The following EXT2 variants were observed in gnomAD, a reference collection of about 807,000 sequenced individuals.
EXT2 encodes the protein exostosin-2.
Under a neutral mutation model 81.6 loss-of-function variants are expected in EXT2, and 53 were observed. The observed-to-expected ratio is 0.65, with a 90% CI of 0.52 to 0.82. EXT2 has a LOEUF of 0.82. EXT2 is among the 40% of genes least tolerant of loss of function. The pLI is 0.00. For missense variants in EXT2, 774 were observed against 910.2 expected (o/e 0.85, Z 1.93); for synonymous variants, 320 against 340.0 (o/e 0.94, Z 0.65).
chr11:44,171,545 A>T (rs1234223721), intron 7 of EXT2, 66 bp from the exon 8 acceptor site: 2 of 1,611,752 alleles, frequency 1.2e-6, no homozygotes, highest in Non-Finnish European at 1.7e-6. Flanking sequence ...GTTGACTATG[A>T]TAGAGTATCT....
rs1459874042 is a variant in EXT2 at position 44,247,327 on chromosome 11, A to G, written c.*3040A>G. Among the ~76,000 whole-genome samples, 5 of 140,244 alleles carry G rather than the reference A, an allele frequency of 3.6e-5. No homozygotes were observed. The highest frequency in any genetic ancestry group is 7.5e-5 in the Non-Finnish European group (5 of 66,824). The allele number at this position is 140,244 out of a possible 152,430, so 92.0% of individuals were successfully genotyped here. On this transcript the variant is annotated 3_prime_UTR_variant, in exon 14 of 14. Coordinates refer to ENST00000533608, the MANE Select transcript of EXT2 (RefSeq NM_207122.2). Reference sequence around the variant, plus strand: ...AACAATAGCATGGTCTCGGCTCACTACATCCTCCGCCTCCCAGGTTCAAGT... The same window carrying G: ...AACAATAGCATGGTCTCGGCTCACTGCATCCTCCGCCTCCCAGGTTCAAGT...
chr11:44,105,878 A>G (rs1427310059), intron 1 of EXT2, among the ~76,000 whole-genome samples: 1 of 152,168 alleles, frequency 6.6e-6, no homozygotes, highest in Non-Finnish European at 1.5e-5. Flanking sequence ...CCACCCCAAA[A>G]CTTAGAAGCT....
rs779096037 is a variant in EXT2 at position 44,126,844 on chromosome 11, G to A, written c.968G>A (p.Gly323Glu). ...GCTACTTTCTGTGTGGTTCTTCGTG[G>A]AGCTCGGCTGGGCCAGGCAGTATTG... ...QEATFCVVLR[G>E]ARLGQAVLSD... Residue 323 changes from glycine (G) to glutamate (E), a missense_variant, in exon 6 of 14, where the codon GGA becomes GAA. Physicochemically the swap from Gly to Glu is moderately conservative, Grantham distance 98 (BLOSUM62 -2). Around this residue, in one of 2 missense-constraint regions of EXT2, gnomAD observed 626 missense variants for 670.5 expected, o/e 0.93. Transcript: ENST00000533608. 3.7e-6 allele frequency: 6 copies of A among 1,614,048 alleles called. No individual in the cohort carries two copies. Among genetic ancestry groups the A allele is most frequent in the Admixed American group, 3.3e-5 (2 of 60,010 alleles).
At position 44,249,253 on chromosome 11, in the gene EXT2, G is replaced by A. The variant is rs139494382; in HGVS notation, c.*4966G>A. 7.2e-5 allele frequency among the ~76,000 whole-genome samples: 11 copies of A among 152,208 alleles called. No individual in the cohort carries two copies. The highest frequency in any genetic ancestry group is 2.6e-4 in the Admixed American group (4 of 15,290). ...GATCAAGTGATCCTCCTGCCTCAGC[G>A]TCCCAAAGTGTTGGGATTACAGGTG... On this transcript the variant is annotated 3_prime_UTR_variant, in exon 14 of 14. Transcript: ENST00000533608.
At chr11:44,119,089 G>A (rs889843119) in intron 4 of EXT2, among the ~76,000 whole-genome samples, 1 of 126,884 alleles carries the variant, frequency 7.9e-6, no homozygotes, top group African/African-American at 3.0e-5. Flanking sequence ...CAGGAGAAAG[G>A]GAATGATTAT....
intron 7 of EXT2, chr11:44,144,396 G>A: frequency 7.0e-7 from 1 of 1,431,668 alleles, no homozygotes; most frequent in Non-Finnish European, 9.7e-7. Context: ...TCTCTTTGCT[G>A]AGAAGGCTTG....
intron 7 of EXT2, among the ~76,000 whole-genome samples, chr11:44,147,076 T>C (rs1217366276): frequency 6.6e-6 from 1 of 152,154 alleles, no homozygotes; most frequent in Non-Finnish European, 1.5e-5. Context: ...CCTTGTAACA[T>C]TGCATGCCTG....
In EXT2 at chr11:44,244,190, T is replaced by G; in HGVS notation, c.2060T>G (p.Met687Arg). ...INKFASVFGT[M>R]PLKVVEHRAD... The stretch of plus-strand genomic sequence containing the variant: ...AAGTTTGCTTCAGTCTTCGGGACCA[T>G]GCCTCTCAAGGTGGTGGAACACCGA... Residue 687 changes from methionine to arginine, a missense_variant, in exon 14 of 14, where the codon ATG (methionine) becomes AGG (arginine). Met to Arg is a moderately conservative substitution (Grantham distance 91). Transcript: ENST00000533608. 2 of 1,614,060 alleles carry G rather than the reference T, an allele frequency of 1.2e-6. No individual in the cohort carries two copies. Among genetic ancestry groups the G allele is most frequent in the Non-Finnish European group, 1.7e-6 (2 of 1,179,918 alleles).
rs1431471375 is a variant in EXT2, at chr11:44,202,366, G to A, written c.1495+4348G>A. On this transcript the variant is annotated intron_variant, in intron 9 of 13. Coordinates refer to ENST00000533608, the MANE Select transcript of EXT2 (RefSeq NM_207122.2). Reference sequence around the variant, plus strand: ...CAGATTCCATCCAGTATAGAGGTACGTTCATACTTAATCAAAGTAGCTAGC... The same window carrying A: ...CAGATTCCATCCAGTATAGAGGTACATTCATACTTAATCAAAGTAGCTAGC... Among the ~76,000 whole-genome samples the A allele has an allele frequency of 3.9e-5, 6 of 152,320 alleles. No individual in the cohort carries two copies. In the East Asian group the frequency reaches 7.7e-4, roughly 20 times the overall value.
At position 44,245,758 on chromosome 11, in the gene EXT2, G is replaced by A. The variant is rs1956088346; in HGVS notation, c.*1471G>A. Among the ~76,000 whole-genome samples the A allele has an allele frequency of 6.6e-6, 1 of 152,222 alleles. No homozygotes were observed. The highest frequency in any genetic ancestry group is 2.1e-4 in the South Asian group (1 of 4,832). The stretch of plus-strand genomic sequence containing the variant: ...AGATGTGTTCCCCAGACTTTGAGAG[G>A]TCAAAGAAAGTTTCAGAAGTAGCAA... On this transcript the variant is annotated 3_prime_UTR_variant, in exon 14 of 14. Transcript: ENST00000533608.
At chr11:44,121,938 A>G (rs1432140544) in intron 4 of EXT2, among the ~76,000 whole-genome samples, 2 of 151,786 alleles carry the variant, frequency 1.3e-5, no homozygotes, top group South Asian at 2.1e-4. Flanking sequence ...CTCCCACCCC[A>G]CTAGGGCTTG....
chr11:44,096,423 T>G, intron 1 of EXT2: 1 of 1,227,370 alleles, frequency 8.1e-7, no homozygotes, highest in Non-Finnish European at 1.1e-6. Flanking sequence ...GGGGGCGTGT[T>G]AGGCCGGGGA....
chr11:44,126,952 A>G lies in EXT2; in HGVS notation c.1076A>G (p.Lys359Arg), dbSNP rs1204851132. The change falls in exon 6 of 14, where the codon AAG becomes AGG. Residue 359 changes from lysine to arginine, a missense_variant. Physicochemically the swap from Lys to Arg is conservative, Grantham distance 26. Around this residue, in one of 2 missense-constraint regions of EXT2, gnomAD observed 626 missense variants for 670.5 expected, o/e 0.93. Coordinates refer to ENST00000533608, the MANE Select transcript of EXT2 (RefSeq NM_207122.2). The stretch of plus-strand genomic sequence containing the variant: ...CCTTTCTCTGAAGTTCTTGACTGGA[A>G]GAGGTGGGTAGTACCTCCTAGTAAA... Reference protein sequence around the residue: ...ILPFSEVLDWKRASVVVPEEK... With the variant: ...ILPFSEVLDWRRASVVVPEEK... The G allele has an allele frequency of 6.2e-7, 1 of 1,614,040 alleles. No homozygotes were observed. The highest frequency in any genetic ancestry group is 8.5e-7 in the Non-Finnish European group (1 of 1,180,018).
intron 8 of EXT2, among the ~76,000 whole-genome samples, chr11:44,172,710 A>T (rs1431119389): frequency 5.3e-5 from 8 of 150,108 alleles, no homozygotes; most frequent in African/African-American, 2.0e-4. Flanking sequence ...CAGCCTCCCC[A>T]GTAGCTGGGA....
intron 1 of EXT2, among the ~76,000 whole-genome samples, chr11:44,100,822 T>C (rs530098872): frequency 2.1e-4 from 32 of 152,210 alleles, no homozygotes; most frequent in Middle Eastern, 3.4e-3. Context: ...GATGGAGATA[T>C]TTGGGTGGAG....
chr11:44,203,357 G>A lies in EXT2; in HGVS notation c.1496-3436G>A, dbSNP rs77679465. 2.8e-4 allele frequency among the ~76,000 whole-genome samples: 42 copies of A among 152,310 alleles called. 1 individual carries two copies. In the East Asian group the frequency reaches 7.3e-3, roughly 27 times the overall value. On this transcript the variant is annotated intron_variant, in intron 9 of 13. Coordinates refer to ENST00000533608, the MANE Select transcript of EXT2 (RefSeq NM_207122.2). The stretch of plus-strand genomic sequence containing the variant: ...GAGAGCCCCTTCCCCAGCTAGATCT[G>A]AGATTCACACCTTACTAATCACATC...
At chr11:44,120,889 C>T (rs1351532779) in intron 4 of EXT2, among the ~76,000 whole-genome samples, 3 of 152,142 alleles carry the variant, frequency 2.0e-5, no homozygotes, top group African/African-American at 7.2e-5. Context: ...CATGGTTTTG[C>T]TTAAACTTAG....
chr11:44,170,483 TAGAA>T (rs989713756), intron 7 of EXT2, among the ~76,000 whole-genome samples: 9 of 151,552 alleles, frequency 5.9e-5, no homozygotes, highest in African/African-American at 1.7e-4. Flanking sequence ...ACTAGCAAAA[TAGAA>T]AGAATTATGT....
intron 7 of EXT2, among the ~76,000 whole-genome samples, chr11:44,136,933 G>A (rs1324559569): frequency 6.6e-6 from 1 of 152,006 alleles, no homozygotes. Flanking sequence ...CAATGGGAGA[G>A]CCTTGGTAAT....
Sources: gnomAD v4.1 joint callset for allele counts (sites outside exome capture counted in the v4.1 genomes callset) on GRCh38, gnomAD v4.1.1 for gene constraint, gnomAD v4.1.1 regional missense constraint, MANE v1.5 for transcripts, NCBI Gene and HGNC (gene_info 2026-07-23, HGNC 2026-07-21) for gene names.